XCR1: variants seen among roughly 807,000 people sequenced by gnomAD.
XCR1 encodes X-C motif chemokine receptor 1.
For synonymous variants in XCR1, 187 were observed against 188.5 expected (o/e 0.99, Z 0.06); for missense variants, 356 against 424.2 (o/e 0.84, Z 1.41).
chr3:46,038,030 GTTT>G (rs368953503), intron 5 of XCR1, among the ~76,000 whole-genome samples: 1 of 123,202 alleles, frequency 8.1e-6, no homozygotes, highest in Non-Finnish European at 1.7e-5. Flanking sequence ...TTTGTTTTTT[GTTT>G]TTTTTTTTTT....
chr3:46,048,670 C>T (rs900030590), intron 5 of XCR1, among the ~76,000 whole-genome samples: 1 of 152,228 alleles, frequency 6.6e-6, no homozygotes, highest in African/African-American at 2.4e-5. Context: ...GTAAACCCAC[C>T]AGACCTTTTC....
intron 3 of XCR1, among the ~76,000 whole-genome samples, chr3:46,069,565 C>T (rs1271028656): frequency 2.0e-5 from 3 of 152,130 alleles, no homozygotes; most frequent in Non-Finnish European, 4.4e-5. Context: ...CTATTAATAG[C>T]CTACTATTGA....
At chr3:46,068,951 G>A (rs1698121596) in intron 3 of XCR1, among the ~76,000 whole-genome samples, 1 of 152,146 alleles carries the variant, frequency 6.6e-6, no homozygotes, top group African/African-American at 2.4e-5. Context: ...AATGTACCAT[G>A]CTGAAAATCT....
intron 5 of XCR1, among the ~76,000 whole-genome samples, chr3:46,045,519 T>C (rs1371544414): frequency 6.6e-6 from 1 of 152,180 alleles, no homozygotes; most frequent in Non-Finnish European, 1.5e-5. Flanking sequence ...AGAAATCATA[T>C]GATCATATCA....
At chr3:46,025,924 C>T (rs560773889) in intron 1 of XCR1, among the ~76,000 whole-genome samples, 29 of 152,076 alleles carry the variant, frequency 1.9e-4, no homozygotes, top group South Asian at 1.2e-3. Context: ...AAATTCTTAA[C>T]GAAATATTGG....
intron 5 of XCR1, among the ~76,000 whole-genome samples, chr3:46,052,641 T>C (rs1048811457): frequency 2.0e-5 from 3 of 152,232 alleles, no homozygotes; most frequent in Non-Finnish European, 4.4e-5. Context: ...TCAGCTAGCA[T>C]TGAAGAGCAA....
intron 1 of XCR1, among the ~76,000 whole-genome samples, chr3:46,085,549 G>C (rs922137349): frequency 1.3e-5 from 2 of 152,176 alleles, no homozygotes; most frequent in African/African-American, 4.8e-5. Flanking sequence ...TTTCTTGAAA[G>C]AATAGGCCAC....
intron 1 of XCR1, among the ~76,000 whole-genome samples, chr3:46,079,592 C>G (rs1451209611): frequency 6.6e-6 from 1 of 152,120 alleles, no homozygotes; most frequent in African/African-American, 2.4e-5. Context: ...CCTCCCACTA[C>G]CACCTTAGGA....
upstream of XCR1, among the ~76,000 whole-genome samples, chr3:46,030,875 C>T (rs912105135): frequency 1.3e-5 from 2 of 152,260 alleles, no homozygotes; most frequent in Non-Finnish European, 2.9e-5. Flanking sequence ...CAACTCATTC[C>T]CTGCCGTGTT....
intron 3 of XCR1, among the ~76,000 whole-genome samples, chr3:46,071,218 G>A (rs1698159236): frequency 6.6e-6 from 1 of 152,036 alleles, no homozygotes; most frequent in Non-Finnish European, 1.5e-5. Context: ...ATTAAACAAG[G>A]AAGAAATAGA....
intron 4 of XCR1, among the ~76,000 whole-genome samples, chr3:46,056,128 C>T (rs1246674619): frequency 6.6e-6 from 1 of 152,190 alleles, no homozygotes; most frequent in Non-Finnish European, 1.5e-5. Context: ...ACTCTTCTTC[C>T]TACTGCTCTC....
chr3:46,057,774 G>A (rs150046734), intron 4 of XCR1, among the ~76,000 whole-genome samples: 143 of 152,256 alleles, frequency 9.4e-4, no homozygotes, highest in Middle Eastern at 6.8e-3. Flanking sequence ...TGCTCTTCCC[G>A]ATGGCTGCCC....
rs1024383094 is a variant in XCR1, at chr3:46,048,093, G to A, written c.-32+5827C>T. ...TGAATTGTAAGACAGCTATGGCTGA[G>A]TGACGTTTTTGTGGTGATACACAAA... On this transcript the variant is annotated intron_variant, in intron 5 of 5. Coordinates refer to the XCR1 transcript ENST00000683768. Among the ~76,000 whole-genome samples, 9 of 152,200 alleles carry A rather than the reference G, an allele frequency of 5.9e-5. No homozygotes were observed. In the East Asian group the frequency reaches 1.5e-3, roughly 26 times the overall value.
upstream of XCR1, among the ~76,000 whole-genome samples, chr3:46,030,831 C>T (rs1324846339): frequency 6.6e-6 from 1 of 152,260 alleles, no homozygotes; most frequent in Non-Finnish European, 1.5e-5. Flanking sequence ...CCGGGCAGGA[C>T]CTACTCTCAG....
At chr3:46,039,124 G>C (rs954081184) in intron 5 of XCR1, among the ~76,000 whole-genome samples, 5 of 151,586 alleles carry the variant, frequency 3.3e-5, no homozygotes, top group African/African-American at 1.2e-4. Context: ...TACCTAATCA[G>C]CTGTCAGTAC....
At chr3:46,039,616 A>T (rs34805664) in intron 5 of XCR1, among the ~76,000 whole-genome samples, 33,751 of 151,700 alleles carry the variant, frequency 0.22, 5,150 homozygotes, top group African/African-American at 0.42. Context: ...TGACCCCTGC[A>T]AAATCTTGAG....
intron 1 of XCR1, among the ~76,000 whole-genome samples, chr3:46,082,414 C>A (rs1038573490): frequency 2.0e-5 from 3 of 150,170 alleles, no homozygotes; most frequent in Non-Finnish European, 3.0e-5. Context: ...TGCATACACA[C>A]ACACACACAC....
At chr3:46,052,381 A>C (rs1480671613) in intron 5 of XCR1, among the ~76,000 whole-genome samples, 1 of 152,100 alleles carries the variant, frequency 6.6e-6, no homozygotes, top group Non-Finnish European at 1.5e-5. Context: ...ATTTCCCAAC[A>C]GGGGGGTGCC....
At chr3:46,045,964 C>T (rs184465233) in intron 5 of XCR1, among the ~76,000 whole-genome samples, 25 of 152,312 alleles carry the variant, frequency 1.6e-4, no homozygotes, top group Non-Finnish European at 2.9e-4. Context: ...TGGAATCAAT[C>T]TAAGTGTCCA....
Sources: allele counts gnomAD v4.1 joint callset (sites outside exome capture counted in the v4.1 genomes callset), GRCh38; gene constraint gnomAD v4.1.1; transcripts MANE v1.5; gene names NCBI Gene and HGNC (gene_info 2026-07-23, HGNC 2026-07-21).